Variants in PCDH17 observed in about 807,000 individuals in gnomAD.
PCDH17 encodes the protein protocadherin 17.
PCDH17 carries 21 observed loss-of-function variants against 67.7 expected under a neutral mutation model. The ratio of observed to expected loss-of-function variants is 0.31; its 90% CI spans 0.22 to 0.45. The LOEUF (loss-of-function observed/expected upper bound fraction) is 0.45, where lower values mean the gene tolerates loss of function less well. PCDH17 is among the 20% of genes least tolerant of loss of function. The pLI, the probability that PCDH17 is intolerant of heterozygous loss-of-function variation, is 1.00. For synonymous variants in PCDH17, 701 were observed against 656.7 expected, an observed-to-expected ratio of 1.07 and a Z score of -1.03; for missense variants, 1,471 against 1,564.8, an observed-to-expected ratio of 0.94 and a Z score of 1.01.
intron 3 of PCDH17, 99 bp downstream of exon 3, chr13:57,666,932 AT>A: frequency 1.2e-6 from 1 of 820,114 alleles, no homozygotes; most frequent in Non-Finnish European, 1.7e-6. Flanking sequence ...GGAATGGACC[AT>A]TTATAATATA....
intron 3 of PCDH17, among the ~76,000 whole-genome samples, chr13:57,723,652 A>C (rs906944983): frequency 6.6e-6 from 1 of 152,166 alleles, no homozygotes; most frequent in Non-Finnish European, 1.5e-5. Flanking sequence ...AATGGGCACA[A>C]TCATTTATAT....
intron 3 of PCDH17, among the ~76,000 whole-genome samples, chr13:57,711,883 A>G (rs1369469821): frequency 2.6e-5 from 4 of 151,276 alleles, no homozygotes; most frequent in Non-Finnish European, 4.4e-5. Context: ...GTATCTTAGG[A>G]TGTATACTTT....
At chr13:57,700,483 T>C (rs1176434008) in intron 3 of PCDH17, among the ~76,000 whole-genome samples, 1 of 152,060 alleles carries the variant, frequency 6.6e-6, no homozygotes, top group African/African-American at 2.4e-5. Context: ...CATGCCCAGC[T>C]AATTTTTGTA....
rs1395920628 is a variant in PCDH17 at position 57,632,777 on chromosome 13, G to A, written c.231G>A (p.Val77=). 2 of 1,613,044 alleles carry A rather than the reference G, an allele frequency of 1.2e-6. No individual in the cohort carries two copies. The highest frequency in any genetic ancestry group is 1.1e-5 in the South Asian group (1 of 91,074). ...ACTCCGCACCGCACCTGCTGGACGT[G>A]GACGCAGACAGCGGGCTCCTCTACA... The part of the protein sequence containing the change: ...LENSAPHLLD[V]DADSGLLYTK... The change falls in exon 1 of 4, where the codon GTG becomes GTA. Residue 77 remains valine (V), a synonymous_variant. Transcript: ENST00000377918.
At position 57,693,315 on chromosome 13, in the gene PCDH17, C is replaced by CATATATATATATATATATATAT. The variant is rs59643529; in HGVS notation, c.2797+26491_2797+26512dup. On this transcript the variant is annotated intron_variant, in intron 3 of 3. Transcript: ENST00000377918. ...CTTGGTATATTTGTTCACTTACATT[C>CATATATATATATATATATATAT]ATATATATATATATATATATATATA... Among the ~76,000 whole-genome samples, 190 of 89,264 alleles carry CATATATATATATATATATATAT rather than the reference C, an allele frequency of 2.1e-3. 9 individuals are homozygous for CATATATATATATATATATATAT. The highest frequency in any genetic ancestry group is 2.8e-3 in the South Asian group (8 of 2,906). The allele number at this position is 89,264 out of a possible 152,430, so 58.6% of individuals were successfully genotyped here. A position where few individuals can be genotyped will look rare whatever the true frequency, so the allele number is the denominator to read the frequency against.
intron 3 of PCDH17, among the ~76,000 whole-genome samples, chr13:57,716,778 T>G (rs1955820315): frequency 6.6e-6 from 1 of 151,922 alleles, no homozygotes; most frequent in African/African-American, 2.4e-5. Context: ...GACCTAGGTT[T>G]ATTTACCACA....
intron 3 of PCDH17, among the ~76,000 whole-genome samples, chr13:57,722,084 T>A (rs1055712444): frequency 3.9e-5 from 6 of 152,250 alleles, no homozygotes; most frequent in Non-Finnish European, 7.4e-5. Context: ...TAATCAATAC[T>A]CAAAATTTGC....
chr13:57,633,154 G>A lies in PCDH17; in HGVS notation c.608G>A (p.Arg203His). The A allele has an allele frequency of 6.2e-7, 1 of 1,613,404 alleles. No homozygotes were observed. The highest frequency in any genetic ancestry group is 8.5e-7 in the Non-Finnish European group (1 of 1,179,998). The change falls in exon 1 of 4, where the codon CGC (arginine) becomes CAC (histidine). Residue 203 changes from arginine to histidine, a missense_variant. Physicochemically the swap from Arg to His is conservative, Grantham distance 29. Around this residue, in one of 3 missense-constraint regions of PCDH17, gnomAD observed 1,163 missense variants for 1,230.0 expected, o/e 0.95. Coordinates refer to ENST00000377918, the MANE Select transcript of PCDH17 (RefSeq NM_001040429.3). This position sits in a 1 kb window ranked among gnomAD's most constrained non-coding sequence, Gnocchi z 6.2. ...PELVIQKALDREQQNHHTLVL... is the reference protein window; with the variant it reads ...PELVIQKALDHEQQNHHTLVL... Reference sequence around the variant, plus strand: ...CTGGTCATCCAGAAGGCTCTGGACCGCGAGCAACAGAATCACCATACGCTC... The same window carrying A: ...CTGGTCATCCAGAAGGCTCTGGACCACGAGCAACAGAATCACCATACGCTC...
chr13:57,630,637 C>T (rs1284413553), upstream of PCDH17, among the ~76,000 whole-genome samples: 3 of 152,154 alleles, frequency 2.0e-5, no homozygotes, highest in Non-Finnish European at 2.9e-5. Context: ...CCTCGGACTC[C>T]GGCAGAAAGA....
chr13:57,670,862 A>G (rs958724335), intron 3 of PCDH17, among the ~76,000 whole-genome samples: 45 of 151,878 alleles, frequency 3.0e-4, no homozygotes, highest in Non-Finnish European at 4.6e-4. Context: ...TTAATTCCAA[A>G]TACATCGCAA....
At chr13:57,680,887 T>C (rs962328816) in intron 3 of PCDH17, among the ~76,000 whole-genome samples, 1 of 151,788 alleles carries the variant, frequency 6.6e-6, no homozygotes, top group Non-Finnish European at 1.5e-5. Flanking sequence ...GATACTTCTA[T>C]GTTAAATATA....
At chr13:57,688,634 A>C (rs2138058355) in intron 3 of PCDH17, among the ~76,000 whole-genome samples, 1 of 152,208 alleles carries the variant, frequency 6.6e-6, no homozygotes, top group Non-Finnish European at 1.5e-5. Context: ...ATATTATATC[A>C]AGGTACTTGA....
At chr13:57,640,924 A>G (rs79567958) in intron 1 of PCDH17, among the ~76,000 whole-genome samples, 1 of 152,008 alleles carries the variant, frequency 6.6e-6, no homozygotes, top group South Asian at 2.1e-4. Flanking sequence ...TTGCACTAGA[A>G]TGTATTCCCC....
intron 3 of PCDH17, among the ~76,000 whole-genome samples, chr13:57,676,048 G>GA (rs1044557803): frequency 1.3e-5 from 2 of 151,706 alleles, no homozygotes; most frequent in Non-Finnish European, 2.9e-5. Context: ...AATTCTAAAG[G>GA]AAAAAAATGA....
chr13:57,674,328 C>T (rs1417482002), intron 3 of PCDH17, among the ~76,000 whole-genome samples: 2 of 151,480 alleles, frequency 1.3e-5, no homozygotes, highest in African/African-American at 4.8e-5. Flanking sequence ...TTTTTTATTT[C>T]ATTTTATTTC....
chr13:57,674,197 C>T (rs1174027751), intron 3 of PCDH17, among the ~76,000 whole-genome samples: 1 of 151,940 alleles, frequency 6.6e-6, no homozygotes, highest in African/African-American at 2.4e-5. Flanking sequence ...ACTATATTTC[C>T]AAATGTCCTA....
chr13:57,681,869 T>C (rs1292225214), intron 3 of PCDH17, among the ~76,000 whole-genome samples: 1 of 151,802 alleles, frequency 6.6e-6, no homozygotes, highest in Non-Finnish European at 1.5e-5. Flanking sequence ...CTAGCATGAG[T>C]GTTATGTTTA....
At chr13:57,678,967 A>G (rs1955421603) in intron 3 of PCDH17, among the ~76,000 whole-genome samples, 1 of 151,562 alleles carries the variant, frequency 6.6e-6, no homozygotes, top group Admixed American at 6.6e-5. Flanking sequence ...TACATACATT[A>G]TGTAGCATTT....
intron 3 of PCDH17, among the ~76,000 whole-genome samples, chr13:57,705,605 T>C (rs750793897): frequency 1.3e-4 from 20 of 152,184 alleles, no homozygotes; most frequent in Non-Finnish European, 2.6e-4. Flanking sequence ...CACTAGTATA[T>C]ATGGAAATTT....
Sources: allele counts gnomAD v4.1 joint callset (sites outside exome capture counted in the v4.1 genomes callset), GRCh38; gene constraint gnomAD v4.1.1; regional missense constraint gnomAD v4.1.1; non-coding constraint Gnocchi (gnomAD v3.1); transcripts MANE v1.5; gene names NCBI Gene and HGNC (gene_info 2026-07-23, HGNC 2026-07-21).